Variants in RIMKLB observed in about 807,000 individuals in gnomAD.
RIMKLB encodes beta-citrylglutamate synthase B.
In RIMKLB, 7 loss-of-function variants were observed where a neutral mutation model predicts 32.0. That is an observed-to-expected ratio of 0.22 (90% CI 0.12 to 0.41). The LOEUF (loss-of-function observed/expected upper bound fraction) is 0.41, where lower values mean the gene tolerates loss of function less well. Among genes scored for constraint, RIMKLB ranks in the 10% least tolerant of loss-of-function variants. The probability of loss-of-function intolerance (pLI) is 1.00; values close to 1 mark genes in which losing one functional copy is unlikely to be tolerated. For synonymous variants in RIMKLB, 172 were observed against 185.1 expected (o/e 0.93, Z 0.57); for missense variants, 289 against 498.7 (o/e 0.58, Z 4.00).
chr12:8,777,210 GCTTTCTTT>G (rs1285391208), downstream of RIMKLB: 58 of 588,826 alleles, frequency 9.9e-5, no homozygotes, highest in African/African-American at 1.6e-3. Context: ...CTGCTTGCTT[GCTTTCTTT>G]TTTTTTTTTT....
Position 8,748,453 on chromosome 12 carries a change from C to T in RIMKLB, c.176-1409C>T, listed in dbSNP as rs755567080. ...GTATATATAGTTCTTACAGTTTAGG[C>T]TTTCCACAGTTCCAAGCATCCATTG... On this transcript the variant is annotated intron_variant, in intron 2 of 5. Transcript: ENST00000535829. Among the ~76,000 whole-genome samples the T allele has an allele frequency of 9.9e-5, 15 of 151,408 alleles. No individual in the cohort carries two copies. The East Asian group carries it at 2.9e-3, about 29-fold the overall frequency.
In RIMKLB at chr12:8,775,095, T is replaced by TAC; in HGVS notation, c.*1312_*1313dup. The TAC allele has an allele frequency of 1.0e-6, 1 of 985,806 alleles. No homozygotes were observed. Among genetic ancestry groups the TAC allele is most frequent in the African/African-American group, 1.7e-5 (1 of 57,354 alleles). 61.1% of individuals were successfully genotyped at this position (985,806 alleles called of 1,614,324 possible). A position where few individuals can be genotyped will look rare whatever the true frequency, so the allele number is the denominator to read the frequency against. ...TTTTTTAGGCCTTTTTGTGTATATG[T>TAC]ACGTTGTTTGTTTTTTTCCTTTTGT... On this transcript the variant is annotated 3_prime_UTR_variant, in exon 6 of 6. Coordinates refer to ENST00000535829, the MANE Select transcript of RIMKLB (RefSeq NM_001297776.2).
intron 1 of RIMKLB, among the ~76,000 whole-genome samples, chr12:8,711,968 G>T (rs1944414741): frequency 6.6e-6 from 1 of 152,138 alleles, no homozygotes; most frequent in South Asian, 2.1e-4. Flanking sequence ...GACAGTGCAG[G>T]TTTGCACTGT....
Position 8,775,445 on chromosome 12 carries a change from A to G in RIMKLB, c.*1661A>G, listed in dbSNP as rs982539666. 8.2e-5 allele frequency: 81 copies of G among 985,554 alleles called. No individual in the cohort carries two copies. Among genetic ancestry groups the G allele is most frequent in the Non-Finnish European group, 9.2e-5 (76 of 829,906 alleles). The allele number at this position is 985,554 out of a possible 1,614,324, so 61.1% of individuals were successfully genotyped here. A position where few individuals can be genotyped will look rare whatever the true frequency, so the allele number is the denominator to read the frequency against. On this transcript the variant is annotated 3_prime_UTR_variant, in exon 6 of 6. Transcript: ENST00000535829. ...AGAAATGGAGATGCTGCAGAGCCCA[A>G]CGTAATTTTTTAAACAGCAAGTTTT...
chr12:8,702,021 AATAG>A (rs1360271887), intron 1 of RIMKLB, among the ~76,000 whole-genome samples: 2 of 152,048 alleles, frequency 1.3e-5, no homozygotes, highest in East Asian at 1.9e-4. Context: ...AAAAAAAAAA[AATAG>A]ATCTTATGGG....
chr12:8,724,768 C>T lies in RIMKLB; in HGVS notation c.175+10727C>T, dbSNP rs118027595. On this transcript the variant is annotated intron_variant, in intron 2 of 5. Transcript: ENST00000535829. ...AGGGCTGGAGGCTGGATCTGCAGGT[C>T]CTGGCCTGGAAACTAAGTCCTCAGT... 8.6e-3 allele frequency among the ~76,000 whole-genome samples: 1,310 copies of T among 152,220 alleles called. 8 individuals are homozygous for T. The highest frequency in any genetic ancestry group is 0.014 in the Non-Finnish European group (966 of 68,010).
intron 5 of RIMKLB, among the ~76,000 whole-genome samples, chr12:8,756,684 CTTTTTTTTTTTT>C (rs145312687): frequency 6.6e-5 from 6 of 90,966 alleles, no homozygotes; most frequent in African/African-American, 8.8e-5. Context: ...TTACTTTCTA[CTTTTTTTTTTTT>C]TTTTTTTTTT....
rs148724888 is a variant in RIMKLB, at chr12:8,750,174, C to T, written c.406+82C>T. 11 of 817,508 alleles carry T rather than the reference C, an allele frequency of 1.3e-5. No homozygotes were observed. The African/African-American group carries it at 1.8e-4, about 14-fold the overall frequency. 50.6% of individuals were successfully genotyped at this position (817,508 alleles called of 1,614,324 possible). On this transcript the variant is annotated intron_variant, in intron 3 of 5. Transcript: ENST00000535829. The stretch of plus-strand genomic sequence containing the variant: ...GGATAAATTTACAGACATGAAAGAA[C>T]ACCTTATAGAAGTGTCTTTCAGTTT...
intron 5 of RIMKLB, among the ~76,000 whole-genome samples, chr12:8,758,678 G>C (rs1365185897): frequency 1.3e-5 from 2 of 152,034 alleles, no homozygotes; most frequent in Non-Finnish European, 2.9e-5. Context: ...CCGTGTTTAG[G>C]ACTTTAATCT....
intron 1 of RIMKLB, among the ~76,000 whole-genome samples, chr12:8,689,145 A>G (rs10505735): frequency 0.18 from 27,744 of 152,242 alleles, 3,258 homozygotes; most frequent in Non-Finnish European, 0.26. Flanking sequence ...CATGCATGAC[A>G]TATTTCAAAA....
At chr12:8,720,383 G>C (rs919389565) in intron 2 of RIMKLB, among the ~76,000 whole-genome samples, 2 of 152,114 alleles carry the variant, frequency 1.3e-5, no homozygotes, top group African/African-American at 4.8e-5. Flanking sequence ...ACTAATATTT[G>C]AGAAACTTTT....
chr12:8,735,737 G>A (rs1027083304), intron 2 of RIMKLB, among the ~76,000 whole-genome samples: 4 of 140,996 alleles, frequency 2.8e-5, no homozygotes, highest in African/African-American at 1.2e-4. Context: ...TTGTCTGTCT[G>A]TTTGTTTTTT....
At chr12:8,695,659 T>C (rs1324282930), upstream of RIMKLB, among the ~76,000 whole-genome samples, 2 of 152,080 alleles carry the variant, frequency 1.3e-5, no homozygotes, top group Admixed American at 6.5e-5. Context: ...TCTTAGAATG[T>C]GTATGGCACA....
At chr12:8,728,786 TGTTTTTGTTTG>T (rs1946271191) in intron 2 of RIMKLB, among the ~76,000 whole-genome samples, 1 of 151,520 alleles carries the variant, frequency 6.6e-6, no homozygotes, top group Non-Finnish European at 1.5e-5. Context: ...TGTGTGTGTG[TGTTTTTGTTTG>T]TTTGTTTGTT....
chr12:8,689,585 C>T lies in RIMKLB; in HGVS notation n.219+7767C>T, dbSNP rs147459422. On this transcript the variant is annotated intron_variant and non_coding_transcript_variant, in intron 1 of 1. Transcript: ENST00000538758. Reference sequence around the variant, plus strand: ...CCTACTCTTTTTTCCATCTGCCTCTCTTTGTTATTTCTTCCTCTCTGTCAC... The same window carrying T: ...CCTACTCTTTTTTCCATCTGCCTCTTTTTGTTATTTCTTCCTCTCTGTCAC... Among the ~76,000 whole-genome samples the T allele has an allele frequency of 2.0e-4, 30 of 152,288 alleles. 1 individual carries two copies. Among genetic ancestry groups the T allele is most frequent in the African/African-American group, 6.0e-4 (25 of 41,568 alleles).
intron 2 of RIMKLB, among the ~76,000 whole-genome samples, chr12:8,732,756 T>TACACACACACACACACACACACAC (rs775849283): frequency 2.1e-4 from 31 of 150,136 alleles, no homozygotes; most frequent in African/African-American, 7.7e-4. Flanking sequence ...TATATATATA[T>TACACACACACACACACACACACAC]ACACACACAC....
chr12:8,775,255 T>TA lies in RIMKLB; in HGVS notation c.*1472dup. On this transcript the variant is annotated 3_prime_UTR_variant, in exon 6 of 6. Transcript: ENST00000535829. ...GGATGTTTTTGTTTGGGGACTTATT[T>TA]AGTAGTATTGAGTCTCTTATAGCCC... 1.0e-6 allele frequency: 1 copy of TA among 985,610 alleles called. No individual in the cohort carries two copies. Among genetic ancestry groups the TA allele is most frequent in the Admixed American group, 6.1e-5 (1 of 16,276 alleles). 61.1% of individuals were successfully genotyped at this position (985,610 alleles called of 1,614,324 possible).
At chr12:8,683,055 T>C (rs1456073344) in intron 1 of RIMKLB, among the ~76,000 whole-genome samples, 1 of 152,220 alleles carries the variant, frequency 6.6e-6, no homozygotes, top group African/African-American at 2.4e-5. Context: ...TAATATGCTC[T>C]TAAGGTTCCT....
intron 2 of RIMKLB, among the ~76,000 whole-genome samples, chr12:8,732,756 T>TACACACACACACACACACACACACAC (rs775849283): frequency 4.0e-5 from 6 of 150,142 alleles, no homozygotes; most frequent in African/African-American, 1.5e-4. Context: ...TATATATATA[T>TACACACACACACACACACACACACAC]ACACACACAC....
Sources: allele counts gnomAD v4.1 joint callset (sites outside exome capture counted in the v4.1 genomes callset), GRCh38; gene constraint gnomAD v4.1.1; transcripts MANE v1.5; gene names NCBI Gene and HGNC (gene_info 2026-07-23, HGNC 2026-07-21).